The following DNAJB14 variants were observed in gnomAD, a reference collection of about 807,000 sequenced individuals.
DNAJB14 encodes dnaJ homolog subfamily B member 14.
DNAJB14 carries 22 observed loss-of-function variants against 48.4 expected under a neutral mutation model. That is an observed-to-expected ratio of 0.45 (90% CI 0.32 to 0.65). The LOEUF is 0.65. Among genes scored for constraint, DNAJB14 ranks in the 30% least tolerant of loss-of-function variants. The pLI is 0.03. For missense variants in DNAJB14, 319 were observed against 458.8 expected (o/e 0.70, Z 2.78); for synonymous variants, 142 against 158.7 (o/e 0.89, Z 0.79).
chr4:99,913,776 A>G (rs2110200729), intron 3 of DNAJB14, among the ~76,000 whole-genome samples: 1 of 152,238 alleles, frequency 6.6e-6, no homozygotes, highest in South Asian at 2.1e-4. Context: ...AGTTTGGTAG[A>G]CTTCTTCAAT....
intron 7 of DNAJB14, among the ~76,000 whole-genome samples, chr4:99,901,508 G>A (rs965026002): frequency 5.9e-5 from 9 of 152,004 alleles, no homozygotes; most frequent in Non-Finnish European, 1.0e-4. Context: ...ACTGCCAGTG[G>A]TTGTTTCACT....
chr4:99,903,875 A>G lies in DNAJB14; in HGVS notation c.866T>C (p.Met289Thr). The G allele has an allele frequency of 1.2e-6, 2 of 1,612,274 alleles. No homozygotes were observed. The highest frequency in any genetic ancestry group is 1.3e-5 in the African/African-American group (1 of 74,904). Reference sequence around the variant, plus strand: ...AACAACACCCAAGTTTTCTGTTTGCATTTTAATAGTTTGCCCAGTTCCACT... The same window carrying G: ...AACAACACCCAAGTTTTCTGTTTGCGTTTTAATAGTTTGCCCAGTTCCACT... ...PRSGTGQTIK[M>T]QTENLGVVYY... Residue 289 changes from methionine to threonine, a missense_variant, in exon 7 of 8, where the codon ATG becomes ACG. Met to Thr is a moderately conservative substitution (Grantham distance 81). This residue lies in a region of DNAJB14 where 166 missense variants were observed against 236.3 expected (regional missense o/e 0.70). Coordinates refer to ENST00000442697, the MANE Select transcript of DNAJB14 (RefSeq NM_001031723.4).
intron 3 of DNAJB14, among the ~76,000 whole-genome samples, chr4:99,920,088 A>T (rs1483605633): frequency 6.6e-6 from 1 of 152,172 alleles, no homozygotes; most frequent in African/African-American, 2.4e-5. Flanking sequence ...TTATTTTTGA[A>T]ATAAGAATGA....
chr4:99,943,568 T>G (rs550853342), intron 1 of DNAJB14, among the ~76,000 whole-genome samples: 82 of 152,284 alleles, frequency 5.4e-4, no homozygotes, highest in Non-Finnish European at 1.1e-3. Flanking sequence ...ATTAACCCAT[T>G]TAATCCTCAC....
At chr4:99,907,908 A>C (rs78150160) in intron 4 of DNAJB14, among the ~76,000 whole-genome samples, 4,351 of 152,298 alleles carry the variant, frequency 0.029, 180 homozygotes, top group Admixed American at 0.13. Context: ...CAGTACAGTA[A>C]GTCCTCACTT....
Position 99,922,906 on chromosome 4 carries a change from A to G in DNAJB14, c.451+134T>C, listed in dbSNP as rs576247147. The stretch of plus-strand genomic sequence containing the variant: ...TATAACCAGTTAATACTGAAGTTTT[A>G]AAGGATTTTCCAGACTCTTGCTTGT... On this transcript the variant is annotated intron_variant, in intron 3 of 7. Coordinates refer to ENST00000442697, the MANE Select transcript of DNAJB14 (RefSeq NM_001031723.4). 40 of 1,046,468 alleles carry G rather than the reference A, an allele frequency of 3.8e-5. No individual in the cohort carries two copies. The East Asian group carries it at 4.6e-4, about 12-fold the overall frequency. 64.8% of individuals were successfully genotyped at this position (1,046,468 alleles called of 1,614,324 possible).
chr4:99,925,667 T>C (rs1292220734), intron 2 of DNAJB14: 1 of 152,094 alleles, frequency 6.6e-6, no homozygotes, highest in African/African-American at 2.4e-5. Flanking sequence ...GCTACAGTGG[T>C]GAATAAAACA....
In DNAJB14 at chr4:99,900,828, C is replaced by T. The variant is rs955044362; in HGVS notation, c.*200G>A. 7.8e-5 allele frequency: 32 copies of T among 411,932 alleles called. No homozygotes were observed. The South Asian group carries it at 1.1e-3, about 14-fold the overall frequency. The allele number at this position is 411,932 out of a possible 1,614,324, so 25.5% of individuals were successfully genotyped here. A position where few individuals can be genotyped will look rare whatever the true frequency, so the allele number is the denominator to read the frequency against. On this transcript the variant is annotated 3_prime_UTR_variant, in exon 8 of 8. Coordinates refer to ENST00000442697, the MANE Select transcript of DNAJB14 (RefSeq NM_001031723.4). Reference sequence around the variant, plus strand: ...TTTAAAATGAAAATACTTGTAGAAGCGTTAACTAAAATATTCCATTTTAGT... The same window carrying T: ...TTTAAAATGAAAATACTTGTAGAAGTGTTAACTAAAATATTCCATTTTAGT...
At chr4:99,925,343 C>T (rs1035760914) in intron 2 of DNAJB14, 2 of 152,298 alleles carry the variant, frequency 1.3e-5, no homozygotes, top group Admixed American at 6.5e-5. Flanking sequence ...ATGCAGAACC[C>T]ATAGATGTGG....
intron 1 of DNAJB14, among the ~76,000 whole-genome samples, chr4:99,944,814 T>C (rs552329125): frequency 6.6e-6 from 1 of 152,280 alleles, no homozygotes; most frequent in Non-Finnish European, 1.5e-5. Context: ...TCACCTCAAA[T>C]GATCCGCCCG....
At position 99,938,097 on chromosome 4, in the gene DNAJB14, C is replaced by CAAAAAAAAAAAAAAAAAAAAAAAAA. The variant is rs59597113; in HGVS notation, c.134-7501_134-7477dup. 6.8e-4 allele frequency among the ~76,000 whole-genome samples: 28 copies of CAAAAAAAAAAAAAAAAAAAAAAAAA among 40,980 alleles called. 5 individuals carry two copies. Among genetic ancestry groups the CAAAAAAAAAAAAAAAAAAAAAAAAA allele is most frequent in the Non-Finnish European group, 9.6e-4 (20 of 20,844 alleles). 26.9% of individuals were successfully genotyped at this position (40,980 alleles called of 152,430 possible). A position where few individuals can be genotyped will look rare whatever the true frequency, so the allele number is the denominator to read the frequency against. On this transcript the variant is annotated intron_variant, in intron 1 of 7. Coordinates refer to ENST00000442697, the MANE Select transcript of DNAJB14 (RefSeq NM_001031723.4). ...ACATGGCGAAACCATGTTAAAAATA[C>CAAAAAAAAAAAAAAAAAAAAAAAAA]AAAAAAAAAAAAAAAAAAAAAAAAA...
In DNAJB14 at chr4:99,930,461, A is replaced by T. The variant is rs1726422905; in HGVS notation, c.294T>A (p.Asp98Glu). ...GGKGYTKDQV[D>E]GVLSINKCKN... ...ATATTTATTCCTACCTGAGAACTCC[A>T]TCTACTTGGTCTTTGGTATAGCCTT... Residue 98 changes from aspartate to glutamate, a missense_variant, in exon 2 of 8, where the codon GAT (aspartate) becomes GAA (glutamate). Transcript: ENST00000442697. The T allele has an allele frequency of 1.3e-6, 2 of 1,594,854 alleles. No homozygotes were observed. Among genetic ancestry groups the T allele is most frequent in the African/African-American group, 2.7e-5 (2 of 74,292 alleles).
At chr4:99,930,348 T>C in intron 2 of DNAJB14, 102 bp downstream of exon 2, 1 of 1,203,984 alleles carries the variant, frequency 8.3e-7, no homozygotes, top group Non-Finnish European at 1.1e-6. Flanking sequence ...TTCCTTGATG[T>C]CTATTCTTCT....
Position 99,896,532 on chromosome 4 carries a change from T to C in DNAJB14, c.*4496A>G, listed in dbSNP as rs1316901730. 6.6e-6 allele frequency: 1 copy of C among 152,160 alleles called. No homozygotes were observed. The highest frequency in any genetic ancestry group is 2.4e-5 in the African/African-American group (1 of 41,450). 9.4% of individuals were successfully genotyped at this position (152,160 alleles called of 1,614,324 possible). On this transcript the variant is annotated 3_prime_UTR_variant, in exon 8 of 8. Transcript: ENST00000442697. ...CTTCCATTATAATTCCATCAAACCT[T>C]AAAAATTACCTGCAGCTTTTAAAAA... is the stretch of plus-strand genomic sequence containing the variant.
At chr4:99,921,545 A>G (rs937189629) in intron 3 of DNAJB14, among the ~76,000 whole-genome samples, 1 of 152,238 alleles carries the variant, frequency 6.6e-6, no homozygotes, top group Admixed American at 6.5e-5. Context: ...GCATTAATAA[A>G]GAATTAACAT....
chr4:99,938,460 T>C (rs1213391073), intron 1 of DNAJB14, among the ~76,000 whole-genome samples: 1 of 150,670 alleles, frequency 6.6e-6, no homozygotes, highest in African/African-American at 2.4e-5. Flanking sequence ...TCTAAGAGAG[T>C]GTCCTTGTCT....
chr4:99,906,405 A>C lies in DNAJB14; in HGVS notation c.732+112T>G. The C allele has an allele frequency of 2.7e-6, 3 of 1,096,220 alleles. No homozygotes were observed. In the South Asian group the frequency reaches 4.4e-5, roughly 16 times the overall value. 67.9% of individuals were successfully genotyped at this position (1,096,220 alleles called of 1,614,324 possible). On this transcript the variant is annotated intron_variant, in intron 5 of 7. Coordinates refer to ENST00000442697, the MANE Select transcript of DNAJB14 (RefSeq NM_001031723.4). ...TTTCTAGTCTCTACCAAACACCTCTAGTAAGAGAAAACTCATTATTTCCTA... is the reference window on the plus strand; with the variant it reads ...TTTCTAGTCTCTACCAAACACCTCTCGTAAGAGAAAACTCATTATTTCCTA...
intron 1 of DNAJB14, among the ~76,000 whole-genome samples, chr4:99,940,808 T>C (rs903407434): frequency 1.6e-4 from 25 of 152,018 alleles, no homozygotes; most frequent in African/African-American, 4.6e-4. Flanking sequence ...AGATATCACC[T>C]TATAGCAATA....
intron 2 of DNAJB14, chr4:99,925,062 G>A (rs1726202669): frequency 2.2e-6 from 1 of 448,266 alleles, no homozygotes; most frequent in East Asian, 3.8e-5. Context: ...GTATCCACAG[G>A]GGATTAGTTC....
Sources: allele counts gnomAD v4.1 joint callset (sites outside exome capture counted in the v4.1 genomes callset), GRCh38; gene constraint gnomAD v4.1.1; regional missense constraint gnomAD v4.1.1; transcripts MANE v1.5; gene names NCBI Gene and HGNC (gene_info 2026-07-23, HGNC 2026-07-21).